ENTPD5: variants seen among roughly 807,000 people sequenced by gnomAD.
The protein encoded by ENTPD5 is ectonucleoside triphosphate diphosphohydrolase 5 (inactive).
Under a neutral mutation model 60.2 loss-of-function variants are expected in ENTPD5, and 49 were observed. That is an observed-to-expected ratio of 0.81 (90% CI 0.65 to 1.03). The LOEUF is 1.03. ENTPD5 is among the 50% of genes least tolerant of loss of function. The pLI is 0.00. For synonymous variants in ENTPD5, 187 were observed against 185.4 expected, an observed-to-expected ratio of 1.01 and a Z score of -0.07; for missense variants, 480 against 507.6, an observed-to-expected ratio of 0.95 and a Z score of 0.52.
At chr14:73,984,307 G>C (rs924982067) in intron 5 of ENTPD5, among the ~76,000 whole-genome samples, 6 of 152,208 alleles carry the variant, frequency 3.9e-5, no homozygotes, top group African/African-American at 1.4e-4. Context: ...AGGTCACTTG[G>C]CCTTGTTGGG....
intron 10 of ENTPD5, 21 bp from the exon 11 acceptor site, chr14:73,975,006 T>G: frequency 6.3e-7 from 1 of 1,585,718 alleles, no homozygotes; most frequent in Non-Finnish European, 8.7e-7. Flanking sequence ...CAGGATTGAC[T>G]AATTTCATGC....
chr14:74,018,687 G>A (rs971935071), intron 1 of ENTPD5: 3 of 152,160 alleles, frequency 2.0e-5, no homozygotes, highest in Non-Finnish European at 4.4e-5. Context: ...GGCCACACAG[G>A]ACCTAGTGAG....
At chr14:73,985,936 G>C (rs1410722278) in intron 5 of ENTPD5, among the ~76,000 whole-genome samples, 10 of 151,808 alleles carry the variant, frequency 6.6e-5, no homozygotes, top group Non-Finnish European at 1.0e-4. Flanking sequence ...GCCGGGCATG[G>C]TGGCACATGC....
intron 6 of ENTPD5, among the ~76,000 whole-genome samples, chr14:73,980,959 A>C (rs1042670455): frequency 1.5e-4 from 22 of 151,430 alleles, no homozygotes; most frequent in African/African-American, 5.3e-4. Flanking sequence ...ATTAGCTGGG[A>C]GTGGTGGCGC....
Position 73,975,971 on chromosome 14 carries a change from C to T in ENTPD5, c.687G>A (p.Glu229=), listed in dbSNP as rs950509488. 3.1e-6 allele frequency: 5 copies of T among 1,613,636 alleles called. No homozygotes were observed. The African/African-American group carries it at 6.7e-5, about 22-fold the overall frequency. Residue 229 remains glutamate, a synonymous_variant, in exon 10 of 16, where the codon GAG becomes GAA. Coordinates refer to ENST00000334696, the MANE Select transcript of ENTPD5 (RefSeq NM_001249.5). The part of the protein sequence containing the change: ...QTPRGYLTSF[E]MFNSTYKLYT... ...AGAGCTTATAAGTGCTGTTAAACAT[C>T]TCAAAGGAAGTGAGGTAGCCCCTAG...
intron 3 of ENTPD5, among the ~76,000 whole-genome samples, chr14:74,001,646 G>A (rs535332521): frequency 8.0e-5 from 9 of 113,120 alleles, no homozygotes; most frequent in South Asian, 3.1e-4. Context: ...CCAGCCTGGC[G>A]AGAGAGCAAG....
intron 2 of ENTPD5, among the ~76,000 whole-genome samples, chr14:74,015,606 G>C (rs1235222897): frequency 6.6e-6 from 1 of 151,786 alleles, no homozygotes; most frequent in Non-Finnish European, 1.5e-5. Context: ...GTCTGCCTTG[G>C]CCTCCCAAAG....
At chr14:73,972,042 TC>T in intron 13 of ENTPD5, 134 bp from the exon 14 acceptor site, 1 of 668,194 alleles carries the variant, frequency 1.5e-6, no homozygotes, top group Non-Finnish European at 2.7e-6. Context: ...TACAATCTAT[TC>T]CATGTTATGT....
At chr14:73,962,181 C>T (rs983687446), downstream of ENTPD5, among the ~76,000 whole-genome samples, 5 of 151,870 alleles carry the variant, frequency 3.3e-5, no homozygotes, top group African/African-American at 1.2e-4. Context: ...CTCCTGACCT[C>T]GTGATCTGCC....
downstream of ENTPD5, chr14:73,962,006 G>T (rs185845059): frequency 2.2e-6 from 3 of 1,372,724 alleles, no homozygotes; most frequent in African/African-American, 4.3e-5. Context: ...GGAGTGCAGT[G>T]GCACAATTTC....
downstream of ENTPD5, chr14:73,959,280 T>C (rs1365411031): frequency 6.2e-7 from 1 of 1,614,212 alleles, no homozygotes; most frequent in Non-Finnish European, 8.5e-7. Flanking sequence ...TCCTCTTCAC[T>C]TTCTCTCAGC....
At chr14:74,012,131 G>A (rs186557291) in intron 2 of ENTPD5, among the ~76,000 whole-genome samples, 11 of 152,164 alleles carry the variant, frequency 7.2e-5, no homozygotes, top group Non-Finnish European at 1.5e-4. Context: ...TTGAGATGGA[G>A]TCTCACTCTG....
intron 6 of ENTPD5, among the ~76,000 whole-genome samples, chr14:73,982,161 G>A (rs2140570433): frequency 6.6e-6 from 1 of 152,238 alleles, no homozygotes; most frequent in Non-Finnish European, 1.5e-5. Context: ...TGGAACCTCT[G>A]CTTCCTGGGT....
At chr14:73,959,583 T>TC (rs753942908), downstream of ENTPD5, 61 of 1,547,320 alleles carry the variant, frequency 3.9e-5, no homozygotes, top group South Asian at 1.6e-4. Flanking sequence ...AAGGTGTTGT[T>TC]TTTTTTTTTT....
chr14:73,989,795 T>C (rs1363057717), intron 3 of ENTPD5, among the ~76,000 whole-genome samples: 1 of 133,310 alleles, frequency 7.5e-6, no homozygotes, highest in Non-Finnish European at 1.5e-5. Context: ...ATCGTGCCAC[T>C]GCACTCCAGC....
intron 3 of ENTPD5, among the ~76,000 whole-genome samples, chr14:73,988,846 C>T (rs1460860295): frequency 2.0e-5 from 3 of 151,762 alleles, no homozygotes; most frequent in South Asian, 2.1e-4. Context: ...TTTTTTGAGA[C>T]GGACTCTCAC....
chr14:74,018,866 C>T (rs1340297782), intron 1 of ENTPD5: 1 of 152,468 alleles, frequency 6.6e-6, no homozygotes, highest in Non-Finnish European at 1.5e-5. Flanking sequence ...GCTGGCTGCA[C>T]TATCCCTTAC....
chr14:73,973,814 A>G lies in ENTPD5; in HGVS notation c.886+63T>C, dbSNP rs541860200. The G allele has an allele frequency of 1.5e-5, 22 of 1,448,224 alleles. No individual in the cohort carries two copies. In the East Asian group the frequency reaches 5.0e-4, roughly 33 times the overall value. The allele number at this position is 1,448,224 out of a possible 1,614,324, so 89.7% of individuals were successfully genotyped here. On this transcript the variant is annotated intron_variant, in intron 12 of 15. Coordinates refer to ENST00000334696, the MANE Select transcript of ENTPD5 (RefSeq NM_001249.5). ...TCTTGAGTTCTGGAAAAAGTTTCCC[A>G]TGGGACTTTTCCAGAGCTTCCATTG...
intron 9 of ENTPD5, 53 bp downstream of exon 9, chr14:73,976,271 C>G: frequency 6.6e-7 from 1 of 1,505,660 alleles, no homozygotes; most frequent in South Asian, 1.1e-5. Flanking sequence ...TTCTTGGCAC[C>G]ATGATACGCC....
Sources: gnomAD v4.1 joint callset for allele counts (sites outside exome capture counted in the v4.1 genomes callset) on GRCh38, gnomAD v4.1.1 for gene constraint, MANE v1.5 for transcripts, NCBI Gene and HGNC (gene_info 2026-07-23, HGNC 2026-07-21) for gene names.